FOXO3: variants seen among roughly 807,000 people sequenced by gnomAD.
The protein encoded by FOXO3 is forkhead box protein O3.
Under a neutral mutation model 41.9 loss-of-function variants are expected in FOXO3, and 4 were observed. That is an observed-to-expected ratio of 0.10 (90% confidence interval 0.05 to 0.22). FOXO3 has a LOEUF of 0.22. FOXO3 is among the 10% of genes least tolerant of loss of function. The pLI is 1.00. For missense variants in FOXO3, 534 were observed against 906.8 expected (o/e 0.59, Z 5.28); for synonymous variants, 318 against 389.3 (o/e 0.82, Z 2.16).
At chr6:108,602,568 TG>T (rs1777080968) in intron 1 of FOXO3, among the ~76,000 whole-genome samples, 1 of 152,036 alleles carries the variant, frequency 6.6e-6, no homozygotes, top group South Asian at 2.1e-4. Context: ...ACTGAGTTTT[TG>T]TATGTTGCTG....
chr6:108,663,346 C>CA (rs1562262832), intron 1 of FOXO3, 109 bp from the exon 2 acceptor site: 2 of 1,464,278 alleles, frequency 1.4e-6, no homozygotes, highest in East Asian at 4.9e-5. Flanking sequence ...GACCTTGTCT[C>CA]AAAAAAATAA....
intron 1 of FOXO3, among the ~76,000 whole-genome samples, chr6:108,584,986 A>T (rs920978809): frequency 1.5e-5 from 2 of 131,510 alleles, no homozygotes; most frequent in South Asian, 2.4e-4. Flanking sequence ...TGGCTTTGGC[A>T]CTTGCTTTGC....
In FOXO3 at chr6:108,663,495, T is replaced by C. The variant is rs1460259488; in HGVS notation, c.662T>C (p.Met221Thr). Residue 221 changes from methionine (M) to threonine (T), a missense_variant, in exon 2 of 3, where the codon ATG (methionine) becomes ACG (threonine). Met to Thr is a moderately conservative substitution (Grantham distance 81). This residue lies in a region of FOXO3 where 77 missense variants were observed against 193.2 expected (regional missense o/e 0.40). Transcript: ENST00000406360. ...AACCTGTCACTGCATAGTCGATTCATGCGGGTCCAGAATGAGGGAACTGGC... is the reference window on the plus strand; with the variant it reads ...AACCTGTCACTGCATAGTCGATTCACGCGGGTCCAGAATGAGGGAACTGGC... ...RHNLSLHSRF[M>T]RVQNEGTGKS... 6.2e-7 allele frequency: 1 copy of C among 1,608,610 alleles called. No individual in the cohort carries two copies. Among genetic ancestry groups the C allele is most frequent in the African/African-American group, 1.3e-5 (1 of 74,694 alleles).
intron 1 of FOXO3, among the ~76,000 whole-genome samples, chr6:108,562,629 G>T (rs562440021): frequency 1.3e-5 from 2 of 152,234 alleles, no homozygotes; most frequent in East Asian, 3.9e-4. Context: ...CGGGGCCTGC[G>T]CTTCATTCAC....
intron 2 of FOXO3, among the ~76,000 whole-genome samples, chr6:108,677,000 G>A (rs563782471): frequency 6.6e-6 from 1 of 152,322 alleles, no homozygotes; most frequent in East Asian, 1.9e-4. Flanking sequence ...GAAACCAAAG[G>A]CCTTTCTGTT....
chr6:108,639,466 C>G, intron 1 of FOXO3: 1 of 736,082 alleles, frequency 1.4e-6, no homozygotes, highest in Non-Finnish European at 1.7e-6. Context: ...CCAATAAGAC[C>G]ATGTTCTTTC....
At chr6:108,561,976 C>A in intron 1 of FOXO3, 147 bp downstream of exon 1, 1 of 1,278,776 alleles carries the variant, frequency 7.8e-7, no homozygotes, top group Non-Finnish European at 1.0e-6. Flanking sequence ...TGGGGGTTAT[C>A]TTTGATCCCC....
At chr6:108,560,872 G>C, upstream of FOXO3, 1 of 892,464 alleles carries the variant, frequency 1.1e-6, no homozygotes, top group Non-Finnish European at 1.5e-6. Context: ...CCCCGCGCGA[G>C]GCCGTCGATT....
At chr6:108,598,221 T>C (rs1776942026) in intron 1 of FOXO3, among the ~76,000 whole-genome samples, 3 of 152,204 alleles carry the variant, frequency 2.0e-5, no homozygotes, top group Admixed American at 2.0e-4. Context: ...TCCATCTCCC[T>C]CAATTGGGGA....
At chr6:108,646,750 T>C (rs1243702633) in intron 1 of FOXO3, among the ~76,000 whole-genome samples, 1 of 152,244 alleles carries the variant, frequency 6.6e-6, no homozygotes, top group Non-Finnish European at 1.5e-5. Context: ...GAATGTCTGC[T>C]TCTTTCCTCC....
intron 1 of FOXO3, among the ~76,000 whole-genome samples, chr6:108,626,540 C>T (rs920966999): frequency 3.3e-5 from 5 of 151,934 alleles, no homozygotes; most frequent in South Asian, 2.1e-4. Context: ...AAGAGAAAAT[C>T]GGCTTATAAG....
chr6:108,561,886 G>T, intron 1 of FOXO3, 57 bp downstream of exon 1: 1 of 1,484,126 alleles, frequency 6.7e-7, no homozygotes, highest in Non-Finnish European at 8.9e-7. Flanking sequence ...CGCAGCGCGA[G>T]ACGCGTCTCG....
intron 1 of FOXO3, among the ~76,000 whole-genome samples, chr6:108,574,994 G>GT (rs1220673458): frequency 6.6e-6 from 1 of 152,206 alleles, no homozygotes; most frequent in Non-Finnish European, 1.5e-5. Context: ...GGAGGACTGT[G>GT]TGGCTGGAGG....
chr6:108,637,798 A>AT (rs963343103), intron 1 of FOXO3, among the ~76,000 whole-genome samples: 3 of 151,978 alleles, frequency 2.0e-5, no homozygotes, highest in Admixed American at 1.3e-4. Context: ...CTCATTTAAA[A>AT]TTTTTTTCCC....
intron 1 of FOXO3, among the ~76,000 whole-genome samples, chr6:108,578,969 G>T (rs1422619334): frequency 6.6e-6 from 1 of 152,184 alleles, no homozygotes; most frequent in Non-Finnish European, 1.5e-5. Context: ...GGACTCTGTA[G>T]TCCATTAAGC....
intron 1 of FOXO3, among the ~76,000 whole-genome samples, chr6:108,567,921 G>A (rs375935671): frequency 1.3e-5 from 2 of 152,154 alleles, no homozygotes. Flanking sequence ...CGTGGCGCAT[G>A]CCTGTAATCC....
chr6:108,649,477 A>ATT (rs1778488144), intron 1 of FOXO3, among the ~76,000 whole-genome samples: 1 of 148,780 alleles, frequency 6.7e-6, no homozygotes, highest in South Asian at 2.1e-4. Context: ...TGTTAATCTT[A>ATT]TAAGTAGCTG....
chr6:108,662,256 G>A lies in FOXO3; in HGVS notation c.622-1199G>A, dbSNP rs112670969. ...GGCTTTGGAAGGCAGACCACAGAAG[G>A]TGCCATTCTCATCATGTCATATCAA... On this transcript the variant is annotated intron_variant, in intron 1 of 2. Transcript: ENST00000406360. Among the ~76,000 whole-genome samples, 492 of 152,222 alleles carry A rather than the reference G, an allele frequency of 3.2e-3. 1 individual carries two copies. Among genetic ancestry groups the A allele is most frequent in the South Asian group, 8.5e-3 (41 of 4,812 alleles).
chr6:108,632,715 T>G (rs769044010), intron 1 of FOXO3, among the ~76,000 whole-genome samples: 2 of 152,144 alleles, frequency 1.3e-5, no homozygotes, highest in African/African-American at 2.4e-5. Context: ...TTTTTTCAGG[T>G]CATCCTGCTT....
Sources: gnomAD v4.1 joint callset for allele counts (sites outside exome capture counted in the v4.1 genomes callset) on GRCh38, gnomAD v4.1.1 for gene constraint, gnomAD v4.1.1 regional missense constraint, MANE v1.5 for transcripts, NCBI Gene and HGNC (gene_info 2026-07-23, HGNC 2026-07-21) for gene names.